The following PKDREJ variants were observed in gnomAD, a reference collection of about 807,000 sequenced individuals.
The protein encoded by PKDREJ is polycystin family receptor for egg jelly.
For synonymous variants in PKDREJ, 1,031 were observed against 1,095.5 expected, an observed-to-expected ratio of 0.94 and a Z score of 1.16; for missense variants, 2,507 against 2,807.2, an observed-to-expected ratio of 0.89 and a Z score of 2.42.
chr22:46,256,619 T>A lies in PKDREJ; in HGVS notation c.6704A>T (p.Tyr2235Phe), dbSNP rs145208153. ...YGQPEKNSHR[Y>F]LGLKTRNING... The stretch of plus-strand genomic sequence containing the variant: ...GATGTTTCTGGTCTTCAGCCCCAGA[T>A]AACGGTGGCTGTTCTTCTCTGGCTG... Residue 2235 changes from tyrosine (Y) to phenylalanine (F), a missense_variant, in exon 1 of 1, where the codon TAT (tyrosine) becomes TTT (phenylalanine). By Grantham distance (22) the Tyr-to-Phe change is conservative. Transcript: ENST00000253255. The surrounding 1 kb of genome is among the most constrained non-coding windows in gnomAD (Gnocchi z 5.3). 2.7e-3 allele frequency: 4,342 copies of A among 1,614,212 alleles called. 14 individuals are homozygous for A. The highest frequency in any genetic ancestry group is 0.02 in the Middle Eastern group (122 of 6,062).
Position 46,260,996 on chromosome 22 carries a change from C to T in PKDREJ, c.2327G>A (p.Arg776His), listed in dbSNP as rs577309101. The T allele has an allele frequency of 1.2e-5, 20 of 1,614,126 alleles. No homozygotes were observed. The highest frequency in any genetic ancestry group is 1.2e-4 in the African/African-American group (9 of 75,022). Residue 776 changes from arginine to histidine, a missense_variant, in exon 1 of 1, where the codon CGT becomes CAT. By Grantham distance (29) the Arg-to-His change is conservative. Coordinates refer to ENST00000253255, the MANE Select transcript of PKDREJ (RefSeq NM_006071.2). This position sits in a 1 kb window ranked among gnomAD's most constrained non-coding sequence, Gnocchi z 4.5. ...PSEFTWDAQK[R>H]ATMRVWQANQ... ...TGCTTGCCATACCCTCATGGTGGCA[C>T]GTTTCTGAGCATCCCAAGTGAATTC...
Position 46,258,159 on chromosome 22 carries a change from C to T in PKDREJ, c.5164G>A (p.Ala1722Thr). 1 of 1,614,154 alleles carries T rather than the reference C, an allele frequency of 6.2e-7. No individual in the cohort carries two copies. The highest frequency in any genetic ancestry group is 2.2e-5 in the East Asian group (1 of 44,884). ...AAGACGATAAGGATCAACAGAAGGG[C>T]TAGAAAGATAAAGTGAGTTAGAATG... is the stretch of plus-strand genomic sequence containing the variant. ...SYILTHFIFL[A>T]LLLILIVLLR... The change falls in exon 1 of 1, where the codon GCC becomes ACC. Residue 1722 changes from alanine (A) to threonine (T), a missense_variant. Coordinates refer to ENST00000253255, the MANE Select transcript of PKDREJ (RefSeq NM_006071.2). The surrounding 1 kb of genome is among the most constrained non-coding windows in gnomAD (Gnocchi z 6.1).
At position 46,261,358 on chromosome 22, in the gene PKDREJ, TA is replaced by T. The variant is rs1569005709; in HGVS notation, c.1964del (p.Leu655GlnfsTer7). The stretch of plus-strand genomic sequence containing the variant: ...GCAAAGTCACCTGAGAAAAAGCTCC[TA>T]GAGAATCATAGACCTGGGCATATAT... ...LKIYAQVYDS[L>X]GAFSQVTLHA... On this transcript the variant is annotated frameshift_variant, in exon 1 of 1. Coordinates refer to ENST00000253255, the MANE Select transcript of PKDREJ (RefSeq NM_006071.2). LOFTEE classifies it low-confidence loss of function (END_TRUNC). The surrounding 1 kb of genome is among the most constrained non-coding windows in gnomAD (Gnocchi z 7.1). The T allele has an allele frequency of 6.2e-7, 1 of 1,613,776 alleles. No individual in the cohort carries two copies. The highest frequency in any genetic ancestry group is 1.7e-5 in the Admixed American group (1 of 60,014).
Position 46,260,480 on chromosome 22 carries a change from T to G in PKDREJ, c.2843A>C (p.Asp948Ala), listed in dbSNP as rs1212853777. ...CCTGACAAGGTACACTTCCGCTACA[T>G]CAGGTGTGATCTCTAGCACACTACC... ...DNGSVLEITP[D>A]VAEVYLVRKN... The change falls in exon 1 of 1, where the codon GAT becomes GCT. Residue 948 changes from aspartate (D) to alanine (A), a missense_variant. Transcript: ENST00000253255. This position sits in a 1 kb window ranked among gnomAD's most constrained non-coding sequence, Gnocchi z 4.5. 18 of 1,614,070 alleles carry G rather than the reference T, an allele frequency of 1.1e-5. No individual in the cohort carries two copies. Among genetic ancestry groups the G allele is most frequent in the Admixed American group, 3.3e-5 (2 of 59,996 alleles).
chr22:46,256,209 T>G lies in PKDREJ; in HGVS notation c.*352A>C, dbSNP rs1173092905. ...ATGCTCCACCCTGGCCAGGTCCCTC[T>G]CTCAAATCTGGTTCTCAAAACCAGT... On this transcript the variant is annotated 3_prime_UTR_variant, in exon 1 of 1. Transcript: ENST00000253255. This position sits in a 1 kb window ranked among gnomAD's most constrained non-coding sequence, Gnocchi z 5.3. 1 of 229,036 alleles carries G rather than the reference T, an allele frequency of 4.4e-6. No individual in the cohort carries two copies. The highest frequency in any genetic ancestry group is 8.6e-6 in the Non-Finnish European group (1 of 116,258). The allele number at this position is 229,036 out of a possible 1,614,324, so 14.2% of individuals were successfully genotyped here.
At position 46,261,310 on chromosome 22, in the gene PKDREJ, A is replaced by T. The variant is rs767905046; in HGVS notation, c.2013T>A (p.Thr671=). Residue 671 remains threonine, a synonymous_variant, in exon 1 of 1, where the codon ACT becomes ACA. Coordinates refer to ENST00000253255, the MANE Select transcript of PKDREJ (RefSeq NM_006071.2). This position sits in a 1 kb window ranked among gnomAD's most constrained non-coding sequence, Gnocchi z 7.1. ...VTLHATAQAP[T]DKNSSKTVLN... ...ACACTGTCTTTGATGAATTTTTGTC[A>T]GTGGGAGCCTGTGCGGTGGCATGCA... The T allele has an allele frequency of 6.2e-7, 1 of 1,613,996 alleles. No individual in the cohort carries two copies. The highest frequency in any genetic ancestry group is 8.5e-7 in the Non-Finnish European group (1 of 1,180,006).
In PKDREJ at chr22:46,259,959, C is replaced by G; in HGVS notation, c.3364G>C (p.Gly1122Arg). Residue 1122 changes from glycine to arginine, a missense_variant, in exon 1 of 1, where the codon GGT becomes CGT. By Grantham distance (125) the Gly-to-Arg change is moderately radical. Transcript: ENST00000253255. The surrounding 1 kb of genome is among the most constrained non-coding windows in gnomAD (Gnocchi z 6.8). ...SEWREGYCILGEKTSWYEVHC... is the reference protein window; with the variant it reads ...SEWREGYCILREKTSWYEVHC... ...ACCTCATACCAGCTGGTCTTCTCAC[C>G]AAGAATGCAATAACCCTCTCTCCAT... The G allele has an allele frequency of 6.2e-7, 1 of 1,614,062 alleles. No individual in the cohort carries two copies. The highest frequency in any genetic ancestry group is 8.5e-7 in the Non-Finnish European group (1 of 1,180,004).
rs760690310 is a variant in PKDREJ at position 46,259,765 on chromosome 22, G to A, written c.3558C>T (p.Thr1186=). The A allele has an allele frequency of 6.2e-7, 1 of 1,614,062 alleles. No homozygotes were observed. ...GAATAATGAAAAGCACAGTGAAGAGGGTCACGGGGTTTTGGTGAAGGCTCT... is the reference window on the plus strand; with the variant it reads ...GAATAATGAAAAGCACAGTGAAGAGAGTCACGGGGTTTTGGTGAAGGCTCT... ...IIKSLHQNPV[T]LFTVLFIILL... Residue 1186 remains threonine, a synonymous_variant, in exon 1 of 1, where the codon ACC becomes ACT. Transcript: ENST00000253255. This position sits in a 1 kb window ranked among gnomAD's most constrained non-coding sequence, Gnocchi z 6.8.
In PKDREJ at chr22:46,262,323, TC is replaced by T. The variant is rs1936706308; in HGVS notation, c.999del (p.Ser334ValfsTer6). ...DSDAVYVWIVRSSLQAVMLGD... is the reference protein window; with the variant it reads ...DSDAVYVWIVXSSLQAVMLGD... Reference sequence around the variant, plus strand: ...CCAAGCATCACCGCCTGCAGGGAACTCCTGACGATCCAGACATAGACGGCGT... The same window carrying T: ...CCAAGCATCACCGCCTGCAGGGAACTCTGACGATCCAGACATAGACGGCGT... On this transcript the variant is annotated frameshift_variant, in exon 1 of 1. Coordinates refer to ENST00000253255, the MANE Select transcript of PKDREJ (RefSeq NM_006071.2). LOFTEE classifies it low-confidence loss of function (END_TRUNC). This position sits in a 1 kb window ranked among gnomAD's most constrained non-coding sequence, Gnocchi z 8.1. The T allele has an allele frequency of 6.2e-7, 1 of 1,614,174 alleles. No individual in the cohort carries two copies. The highest frequency in any genetic ancestry group is 8.5e-7 in the Non-Finnish European group (1 of 1,180,032).
Position 46,256,872 on chromosome 22 carries a change from A to C in PKDREJ, c.6451T>G (p.Phe2151Val), listed in dbSNP as rs1445230604. 10 of 1,614,104 alleles carry C rather than the reference A, an allele frequency of 6.2e-6. No homozygotes were observed. Among genetic ancestry groups the C allele is most frequent in the Non-Finnish European group, 7.6e-6 (9 of 1,180,042 alleles). The part of the protein sequence containing the change: ...FSNNRILGVL[F>V]LSSFMLVMIC... Reference sequence around the variant, plus strand: ...ATCACCAGCATGAAAGATGAGAGGAACAGGACCCCCAGAATCCTGTTATTG... The same window carrying C: ...ATCACCAGCATGAAAGATGAGAGGACCAGGACCCCCAGAATCCTGTTATTG... Residue 2151 changes from phenylalanine (F) to valine (V), a missense_variant, in exon 1 of 1, where the codon TTC (phenylalanine) becomes GTC (valine). Phe to Val is a conservative substitution (Grantham distance 50). Transcript: ENST00000253255. The surrounding 1 kb of genome is among the most constrained non-coding windows in gnomAD (Gnocchi z 5.3).
In PKDREJ at chr22:46,260,756, G is replaced by C; in HGVS notation, c.2567C>G (p.Thr856Ser). 6.2e-7 allele frequency: 1 copy of C among 1,614,048 alleles called. No individual in the cohort carries two copies. Among genetic ancestry groups the C allele is most frequent in the East Asian group, 2.2e-5 (1 of 44,888 alleles). The change falls in exon 1 of 1, where the codon ACC (threonine) becomes AGC (serine). Residue 856 changes from threonine (T) to serine (S), a missense_variant. Thr to Ser is a moderately conservative substitution (Grantham distance 58). Transcript: ENST00000253255. This position sits in a 1 kb window ranked among gnomAD's most constrained non-coding sequence, Gnocchi z 4.5. ...VPGNKTTSMR[T>S]PNFNMYVKKV... ...CTTGACATACATGTTGAAATTGGGGGTTCTCATTGAGGTGGTTTTGTTCCC... is the reference window on the plus strand; with the variant it reads ...CTTGACATACATGTTGAAATTGGGGCTTCTCATTGAGGTGGTTTTGTTCCC...
chr22:46,260,458 G>A lies in PKDREJ; in HGVS notation c.2865C>T (p.Val955=). 6.2e-7 allele frequency: 1 copy of A among 1,614,186 alleles called. No homozygotes were observed. The highest frequency in any genetic ancestry group is 8.5e-7 in the Non-Finnish European group (1 of 1,180,036). The part of the protein sequence containing the change: ...ITPDVAEVYL[V]RKNLTFAAFN... Reference sequence around the variant, plus strand: ...AAGCTGCAAAGGTCAAGTTTTTCCTGACAAGGTACACTTCCGCTACATCAG... The same window carrying A: ...AAGCTGCAAAGGTCAAGTTTTTCCTAACAAGGTACACTTCCGCTACATCAG... Residue 955 remains valine, a synonymous_variant, in exon 1 of 1, where the codon GTC becomes GTT. Coordinates refer to ENST00000253255, the MANE Select transcript of PKDREJ (RefSeq NM_006071.2). This position sits in a 1 kb window ranked among gnomAD's most constrained non-coding sequence, Gnocchi z 4.5.
Position 46,257,181 on chromosome 22 carries a change from G to A in PKDREJ, c.6142C>T (p.His2048Tyr), listed in dbSNP as rs1936641739. 6.2e-7 allele frequency: 1 copy of A among 1,613,832 alleles called. No homozygotes were observed. Among genetic ancestry groups the A allele is most frequent in the African/African-American group, 1.3e-5 (1 of 74,918 alleles). The change falls in exon 1 of 1, where the codon CAC (histidine) becomes TAC (tyrosine). Residue 2048 changes from histidine to tyrosine, a missense_variant. His to Tyr is a moderately conservative substitution (Grantham distance 83). Transcript: ENST00000253255. The surrounding 1 kb of genome is among the most constrained non-coding windows in gnomAD (Gnocchi z 4.7). ...AAACCCAAAATTATCCTCATAATGT[G>A]ATCTACCTGAGAAACTGCATGAAAG... ...IPFHAVSQVD[H>Y]IMRIILGFLL... is the part of the protein sequence containing the mutation.
Position 46,259,999 on chromosome 22 carries a change from A to G in PKDREJ, c.3324T>C (p.Tyr1108=). ...CCTCTCTCCATTCACTCTGGATCCC[A>G]TACATGTCCAAGCACTGGACGCTGA... ...SIFSVQCLDM[Y]GIQSEWREGY... Residue 1108 remains tyrosine (Y), a synonymous_variant, in exon 1 of 1, where the codon TAT becomes TAC. Transcript: ENST00000253255. The surrounding 1 kb of genome is among the most constrained non-coding windows in gnomAD (Gnocchi z 6.8). 1.9e-6 allele frequency: 3 copies of G among 1,614,168 alleles called. No individual in the cohort carries two copies. Among genetic ancestry groups the G allele is most frequent in the Non-Finnish European group, 2.5e-6 (3 of 1,180,030 alleles).
chr22:46,261,468 T>C lies in PKDREJ; in HGVS notation c.1855A>G (p.Thr619Ala). 3 of 1,614,152 alleles carry C rather than the reference T, an allele frequency of 1.9e-6. No homozygotes were observed. Among genetic ancestry groups the C allele is most frequent in the Non-Finnish European group, 2.5e-6 (3 of 1,180,012 alleles). ...ISSVKENTLG[T>A]ILYLGPQSTV... ...GACTGAGGCCCCAAGTACAGGATGG[T>C]CCCCAGGGTGTTCTCTTTTACTGAA... Residue 619 changes from threonine (T) to alanine (A), a missense_variant, in exon 1 of 1, where the codon ACC becomes GCC. By Grantham distance (58) the Thr-to-Ala change is moderately conservative. Coordinates refer to ENST00000253255, the MANE Select transcript of PKDREJ (RefSeq NM_006071.2). This position sits in a 1 kb window ranked among gnomAD's most constrained non-coding sequence, Gnocchi z 7.1.
rs202193314 is a variant in PKDREJ at position 46,260,597 on chromosome 22, T to C, written c.2726A>G (p.Asp909Gly). 5.0e-4 allele frequency: 802 copies of C among 1,614,048 alleles called. 2 individuals are homozygous for C. Among genetic ancestry groups the C allele is most frequent in the Non-Finnish European group, 1.3e-4 (150 of 1,180,050 alleles). ...ANGPISTMFC[D>G]FTNDLFPWLN... ...CCAAGGAAAGAGGTCATTTGTGAAA[T>C]CACAAAACATTGTAGAAATGGGACC... Residue 909 changes from aspartate to glycine, a missense_variant, in exon 1 of 1, where the codon GAT becomes GGT. By Grantham distance (94) the Asp-to-Gly change is moderately conservative (BLOSUM62 -1). Transcript: ENST00000253255. The surrounding 1 kb of genome is among the most constrained non-coding windows in gnomAD (Gnocchi z 4.5).
Position 46,261,327 on chromosome 22 carries a change from T to C in PKDREJ, c.1996A>G (p.Thr666Ala). The C allele has an allele frequency of 6.2e-7, 1 of 1,613,874 alleles. No individual in the cohort carries two copies. Among genetic ancestry groups the C allele is most frequent in the Non-Finnish European group, 8.5e-7 (1 of 1,180,008 alleles). ...TTTTTGTCAGTGGGAGCCTGTGCGGTGGCATGCAAAGTCACCTGAGAAAAA... is the reference window on the plus strand; with the variant it reads ...TTTTTGTCAGTGGGAGCCTGTGCGGCGGCATGCAAAGTCACCTGAGAAAAA... ...GAFSQVTLHA[T>A]AQAPTDKNSS... Residue 666 changes from threonine (T) to alanine (A), a missense_variant, in exon 1 of 1, where the codon ACC becomes GCC. By Grantham distance (58) the Thr-to-Ala change is moderately conservative. Coordinates refer to ENST00000253255, the MANE Select transcript of PKDREJ (RefSeq NM_006071.2). The surrounding 1 kb of genome is among the most constrained non-coding windows in gnomAD (Gnocchi z 7.1).
At position 46,261,450 on chromosome 22, in the gene PKDREJ, G is replaced by A. The variant is rs778405206; in HGVS notation, c.1873C>T (p.Pro625Ser). Residue 625 changes from proline to serine, a missense_variant, in exon 1 of 1, where the codon CCT (proline) becomes TCT (serine). Transcript: ENST00000253255. The surrounding 1 kb of genome is among the most constrained non-coding windows in gnomAD (Gnocchi z 7.1). ...NTLGTILYLG[P>S]QSTVPPSFLP... ...AAGGAAGGGGGTACTGTGGACTGAGGCCCCAAGTACAGGATGGTCCCCAGG... is the reference window on the plus strand; with the variant it reads ...AAGGAAGGGGGTACTGTGGACTGAGACCCCAAGTACAGGATGGTCCCCAGG... The A allele has an allele frequency of 6.2e-7, 1 of 1,614,110 alleles. No individual in the cohort carries two copies. The highest frequency in any genetic ancestry group is 8.5e-7 in the Non-Finnish European group (1 of 1,180,012).
chr22:46,263,146 C>G lies in PKDREJ; in HGVS notation c.177G>C (p.Leu59=). The change falls in exon 1 of 1, where the codon CTG becomes CTC. Residue 59 remains leucine, a synonymous_variant. Transcript: ENST00000253255. The surrounding 1 kb of genome is among the most constrained non-coding windows in gnomAD (Gnocchi z 9.4). ...CGCCCGCCCGCACCGCGCTGGGCCGCAGACTGAGGAGGGCGCGGCCGCCGC... is the reference window on the plus strand; with the variant it reads ...CGCCCGCCCGCACCGCGCTGGGCCGGAGACTGAGGAGGGCGCGGCCGCCGC... ...GVRGGRALLS[L]RPSAVRAGGA... 2 of 1,239,988 alleles carry G rather than the reference C, an allele frequency of 1.6e-6. No individual in the cohort carries two copies. The highest frequency in any genetic ancestry group is 2.0e-6 in the Non-Finnish European group (2 of 994,594). 76.8% of individuals were successfully genotyped at this position (1,239,988 alleles called of 1,614,324 possible).
Sources: gnomAD v4.1 joint callset for allele counts on GRCh38, gnomAD v4.1.1 for gene constraint, Gnocchi (gnomAD v3.1) non-coding constraint, MANE v1.5 for transcripts, NCBI Gene and HGNC (gene_info 2026-07-23, HGNC 2026-07-21) for gene names.